Variants in MTFR1 observed in about 807,000 individuals in gnomAD.
MTFR1 encodes mitochondrial fission regulator 1, also known as chondrocyte protein with a poly-proline region.
In MTFR1, 28 loss-of-function variants were observed where a neutral mutation model predicts 38.8. That is an observed-to-expected ratio of 0.72 (90% CI 0.53 to 0.99). The LOEUF (loss-of-function observed/expected upper bound fraction) is 0.99, where lower values mean the gene tolerates loss of function less well. Ranked by LOEUF, MTFR1 falls within the 50% of genes least tolerant of loss-of-function variation. The pLI is 0.00. For missense variants in MTFR1, 358 were observed against 395.5 expected, an observed-to-expected ratio of 0.91 and a Z score of 0.81; for synonymous variants, 145 against 137.0, an observed-to-expected ratio of 1.06 and a Z score of -0.41.
intron 3 of MTFR1, among the ~76,000 whole-genome samples, chr8:65,748,462 A>AT (rs963453738): frequency 3.3e-5 from 5 of 152,256 alleles, no homozygotes; most frequent in African/African-American, 4.8e-5. Flanking sequence ...TAACATAGCC[A>AT]TTTTTTCCCT....
intron 1 of MTFR1, among the ~76,000 whole-genome samples, chr8:65,655,458 G>A (rs1809229576): frequency 6.6e-6 from 1 of 152,120 alleles, no homozygotes; most frequent in Admixed American, 6.6e-5. Context: ...TGCTGGTACT[G>A]GGAGTAGCAG....
chr8:65,678,237 A>G (rs1166264812), intron 2 of MTFR1, among the ~76,000 whole-genome samples: 2 of 152,076 alleles, frequency 1.3e-5, no homozygotes, highest in African/African-American at 2.4e-5. Context: ...TTTCAGTACC[A>G]TCTGTTCACT....
At chr8:65,705,065 C>T in intron 5 of MTFR1, 136 bp downstream of exon 5, 2 of 743,854 alleles carry the variant, frequency 2.7e-6, no homozygotes, top group Non-Finnish European at 4.3e-6. Flanking sequence ...GTGGCGCATG[C>T]CTGTAATCCC....
intron 3 of MTFR1, chr8:65,689,724 T>G (rs1805215114): frequency 2.2e-6 from 1 of 448,322 alleles, no homozygotes. Flanking sequence ...CTTTACTAAG[T>G]GCATTGTCCT....
chr8:65,756,119 G>A (rs1176047041), intron 3 of MTFR1, among the ~76,000 whole-genome samples: 1 of 152,182 alleles, frequency 6.6e-6, no homozygotes, highest in Non-Finnish European at 1.5e-5. Flanking sequence ...GGTTCTTAAT[G>A]AGAAATCAGC....
intron 2 of MTFR1, 136 bp downstream of exon 2, chr8:65,670,154 A>G (rs1381666467): frequency 2.8e-6 from 2 of 708,586 alleles, no homozygotes; most frequent in Non-Finnish European, 4.4e-6. Flanking sequence ...TTTGCTTTCT[A>G]TTTAAATCAT....
rs1807296717 is a variant in MTFR1, at chr8:65,739,313, G to A, written c.*48+19832G>A. Among the ~76,000 whole-genome samples, 3 of 152,280 alleles carry A rather than the reference G, an allele frequency of 2.0e-5. No homozygotes were observed. In the South Asian group the frequency reaches 6.2e-4, roughly 32 times the overall value. On this transcript the variant is annotated intron_variant, in intron 3 of 3. Transcript: ENST00000521247. ...GCAGGTGCACAAATGAGCTCACCCA[G>A]ACCAGACCAAAAGAAGCATTTAACA... is the stretch of plus-strand genomic sequence containing the variant.
At chr8:65,749,267 T>C (rs570136746) in intron 3 of MTFR1, among the ~76,000 whole-genome samples, 11 of 152,360 alleles carry the variant, frequency 7.2e-5, no homozygotes, top group Admixed American at 7.2e-4. Flanking sequence ...CTAATAGTAA[T>C]GCAAAGCATA....
chr8:65,690,851 C>T (rs1805255334), intron 3 of MTFR1, among the ~76,000 whole-genome samples: 1 of 152,168 alleles, frequency 6.6e-6, no homozygotes, highest in Non-Finnish European at 1.5e-5. Flanking sequence ...CCATTAAATA[C>T]CATCTCTGCT....
intron 2 of MTFR1, among the ~76,000 whole-genome samples, chr8:65,677,042 T>A (rs1804728535): frequency 6.6e-6 from 1 of 151,176 alleles, no homozygotes; most frequent in South Asian, 2.1e-4. Flanking sequence ...AGATAAAGCA[T>A]GGTTTTTCTG....
At position 65,709,143 on chromosome 8, in the gene MTFR1, G is replaced by C; in HGVS notation, c.*99G>C. 2.0e-6 allele frequency: 2 copies of C among 1,009,272 alleles called. No homozygotes were observed. Among genetic ancestry groups the C allele is most frequent in the Non-Finnish European group, 3.1e-6 (2 of 645,846 alleles). 62.5% of individuals were successfully genotyped at this position (1,009,272 alleles called of 1,614,324 possible). A position where few individuals can be genotyped will look rare whatever the true frequency, so the allele number is the denominator to read the frequency against. On this transcript the variant is annotated 3_prime_UTR_variant, in exon 8 of 8. Coordinates refer to ENST00000262146, the MANE Select transcript of MTFR1 (RefSeq NM_014637.4). The stretch of plus-strand genomic sequence containing the variant: ...ACACTGTTTAGTAAATACCTCTTTA[G>C]TATTCAGTGGTCTTCTTTTCAGGCT...
At position 65,709,602 on chromosome 8, in the gene MTFR1, C is replaced by G. The variant is rs980176671; in HGVS notation, c.*558C>G. 6.6e-6 allele frequency: 1 copy of G among 152,574 alleles called. No individual in the cohort carries two copies. The highest frequency in any genetic ancestry group is 2.4e-5 in the African/African-American group (1 of 41,444). The allele number at this position is 152,574 out of a possible 1,614,324, so 9.5% of individuals were successfully genotyped here. On this transcript the variant is annotated 3_prime_UTR_variant, in exon 8 of 8. Transcript: ENST00000262146. The stretch of plus-strand genomic sequence containing the variant: ...GAACAGAACTTATATCTTAGATTCT[C>G]TCTCACATTTTCTTGGAGCTGGGGT...
At chr8:65,730,520 G>A (rs548917441) in intron 3 of MTFR1, among the ~76,000 whole-genome samples, 6 of 152,186 alleles carry the variant, frequency 3.9e-5, no homozygotes, top group African/African-American at 7.2e-5. Context: ...ATGATCTGAA[G>A]TGTAACAGTT....
At chr8:65,676,511 C>T (rs1357109246) in intron 2 of MTFR1, among the ~76,000 whole-genome samples, 1 of 151,906 alleles carries the variant, frequency 6.6e-6, no homozygotes, top group African/African-American at 2.4e-5. Flanking sequence ...TTACAGGTGC[C>T]CGCCATCACC....
chr8:65,722,096 G>C (rs1197742285), intron 3 of MTFR1: 1 of 152,158 alleles, frequency 6.6e-6, no homozygotes, highest in African/African-American at 2.4e-5. Context: ...GGCCACTTTT[G>C]TCCATTTCTA....
chr8:65,663,278 G>C (rs368992823), intron 1 of MTFR1, among the ~76,000 whole-genome samples: 5 of 152,118 alleles, frequency 3.3e-5, no homozygotes, highest in Non-Finnish European at 7.3e-5. Flanking sequence ...ACTCAGGGTT[G>C]AATGGATTAA....
intron 7 of MTFR1, among the ~76,000 whole-genome samples, chr8:65,708,557 T>C (rs1192871222): frequency 6.6e-6 from 1 of 152,296 alleles, no homozygotes; most frequent in African/African-American, 2.4e-5. Flanking sequence ...ACATAATAAT[T>C]GATACATTCC....
chr8:65,728,738 T>G (rs149653825), intron 3 of MTFR1: 15 of 152,186 alleles, frequency 9.9e-5, no homozygotes, highest in Non-Finnish European at 4.4e-5. Flanking sequence ...TTAGGCAGTA[T>G]GCAAAGGGGT....
intron 3 of MTFR1, among the ~76,000 whole-genome samples, chr8:65,753,266 A>G (rs1808052379): frequency 2.0e-5 from 3 of 152,200 alleles, no homozygotes; most frequent in Non-Finnish European, 4.4e-5. Flanking sequence ...TCTTTGTACC[A>G]AGTTCTTAAT....
Sources: gnomAD v4.1 joint callset for allele counts (sites outside exome capture counted in the v4.1 genomes callset) on GRCh38, gnomAD v4.1.1 for gene constraint, MANE v1.5 for transcripts, NCBI Gene and HGNC (gene_info 2026-07-23, HGNC 2026-07-21) for gene names.